FTO: variants seen among roughly 807,000 people sequenced by gnomAD.
The protein encoded by FTO is FTO alpha-ketoglutarate dependent dioxygenase.
In FTO, 47 loss-of-function variants were observed where a neutral mutation model predicts 63.9. The observed-to-expected ratio is 0.74, with a 90% CI of 0.58 to 0.94. The LOEUF is 0.94. Among genes scored for constraint, FTO ranks in the 40% least tolerant of loss-of-function variants. FTO has a pLI of 0.00. For missense variants in FTO, 562 were observed against 618.1 expected (o/e 0.91, Z 0.96); for synonymous variants, 207 against 224.4 (o/e 0.92, Z 0.69).
chr16:53,742,363 G>A (rs2076548011), intron 1 of FTO, among the ~76,000 whole-genome samples: 1 of 152,082 alleles, frequency 6.6e-6, no homozygotes, highest in Non-Finnish European at 1.5e-5. Context: ...GTCTGGGAAG[G>A]CAAGTTTTTT....
intron 4 of FTO, among the ~76,000 whole-genome samples, chr16:53,861,992 G>A (rs922835641): frequency 6.6e-6 from 1 of 152,004 alleles, no homozygotes; most frequent in Non-Finnish European, 1.5e-5. Flanking sequence ...TGGCTCATCC[G>A]TGTAATCCCA....
intron 3 of FTO, among the ~76,000 whole-genome samples, chr16:53,841,847 T>G (rs1448279593): frequency 6.6e-6 from 1 of 152,212 alleles, no homozygotes; most frequent in East Asian, 1.9e-4. Context: ...TTACTTCTCA[T>G]TTTACCCTCT....
chr16:53,789,864 GTA>G (rs200847717), intron 1 of FTO, among the ~76,000 whole-genome samples: 2 of 42,896 alleles, frequency 4.7e-5, no homozygotes, highest in African/African-American at 3.5e-4. Context: ...ATAAATGTAT[GTA>G]TATATATACA....
At chr16:53,753,826 T>C (rs1205221074) in intron 1 of FTO, among the ~76,000 whole-genome samples, 1 of 152,196 alleles carries the variant, frequency 6.6e-6, no homozygotes, top group Non-Finnish European at 1.5e-5. Context: ...CTTTGTCCTA[T>C]CACATGAAGC....
At chr16:53,945,585 T>TTTTA (rs2082634664) in intron 8 of FTO, among the ~76,000 whole-genome samples, 1 of 152,210 alleles carries the variant, frequency 6.6e-6, no homozygotes. Flanking sequence ...ACCTAACATG[T>TTTTA]TTTACACTTT....
chr16:53,847,672 G>A (rs2079667446), intron 4 of FTO, among the ~76,000 whole-genome samples: 1 of 151,782 alleles, frequency 6.6e-6, no homozygotes, highest in South Asian at 2.1e-4. Flanking sequence ...GGAAGCTGAG[G>A]CAGGAGAACT....
chr16:53,943,179 C>T (rs555243210), intron 8 of FTO, among the ~76,000 whole-genome samples: 1 of 152,256 alleles, frequency 6.6e-6, no homozygotes, highest in East Asian at 1.9e-4. Context: ...GGAATTGAAA[C>T]ATTGTATAAA....
At chr16:53,919,384 A>G (rs1246802042) in intron 7 of FTO, among the ~76,000 whole-genome samples, 1 of 152,132 alleles carries the variant, frequency 6.6e-6, no homozygotes, top group Non-Finnish European at 1.5e-5. Flanking sequence ...ACCCTGGGGT[A>G]AGACTGAATA....
chr16:53,929,711 G>T (rs1382657670), intron 7 of FTO, among the ~76,000 whole-genome samples: 1 of 152,170 alleles, frequency 6.6e-6, no homozygotes, highest in African/African-American at 2.4e-5. Context: ...TTGGGTTGGG[G>T]TTGGCAAATT....
At chr16:53,774,568 T>C (rs1223136403) in intron 1 of FTO, among the ~76,000 whole-genome samples, 1 of 152,184 alleles carries the variant, frequency 6.6e-6, no homozygotes, top group Non-Finnish European at 1.5e-5. Context: ...GTGTATCAAC[T>C]ATTTTCACTT....
At position 53,881,502 on chromosome 16, in the gene FTO, C is replaced by T. The variant is rs73607667; in HGVS notation, c.1119+1515C>T. On this transcript the variant is annotated intron_variant, in intron 6 of 8. Coordinates refer to ENST00000471389, the MANE Select transcript of FTO (RefSeq NM_001080432.3). ...ACAGTCATTGCTTACTCACAAGACA[C>T]GCAGAAGCACAAGAGACTCATGAAG... 8.8e-3 allele frequency among the ~76,000 whole-genome samples: 1,338 copies of T among 152,254 alleles called. 23 individuals are homozygous for T. Among genetic ancestry groups the T allele is most frequent in the African/African-American group, 0.031 (1,278 of 41,552 alleles).
chr16:53,933,899 G>T, intron 7 of FTO, 86 bp from the exon 8 acceptor site: 1 of 1,347,744 alleles, frequency 7.4e-7, no homozygotes, highest in South Asian at 1.3e-5. Flanking sequence ...AAAAGCCATT[G>T]ATTTACTGTC....
intron 6 of FTO, chr16:53,887,965 T>A (rs2151904943): frequency 6.6e-6 from 1 of 152,246 alleles, no homozygotes; most frequent in South Asian, 2.1e-4. Context: ...AATTAATATT[T>A]CCTAATATAT....
chr16:53,734,847 A>G (rs141567861), intron 1 of FTO, among the ~76,000 whole-genome samples: 1 of 152,194 alleles, frequency 6.6e-6, no homozygotes, highest in African/African-American at 2.4e-5. Context: ...AAGATAAAAG[A>G]GAGTTTTTAT....
intron 8 of FTO, among the ~76,000 whole-genome samples, chr16:53,975,336 A>G (rs2083412719): frequency 6.6e-6 from 1 of 152,010 alleles, no homozygotes; most frequent in Non-Finnish European, 1.5e-5. Flanking sequence ...AGAAGTTTTC[A>G]TATTTATTTT....
intron 1 of FTO, among the ~76,000 whole-genome samples, chr16:53,781,499 T>TA (rs2077588270): frequency 6.6e-6 from 1 of 152,204 alleles, no homozygotes; most frequent in Non-Finnish European, 1.5e-5. Context: ...GAAGAAAAGT[T>TA]ACCTGATTCC....
At position 54,026,182 on chromosome 16, in the gene FTO, A is replaced by G. The variant is rs568762688; in HGVS notation, c.1365-85580A>G. Among the ~76,000 whole-genome samples, 5 of 152,330 alleles carry G rather than the reference A, an allele frequency of 3.3e-5. No individual in the cohort carries two copies. The East Asian group carries it at 7.7e-4, about 24-fold the overall frequency. On this transcript the variant is annotated intron_variant, in intron 8 of 8. Coordinates refer to ENST00000471389, the MANE Select transcript of FTO (RefSeq NM_001080432.3). ...TTTCCTTCATCTGAAAGAAGTTCAC[A>G]AAGAACAGGGTTATTCTGGTGGCTC...
At chr16:53,892,302 A>G (rs751243171) in intron 7 of FTO, among the ~76,000 whole-genome samples, 4 of 152,096 alleles carry the variant, frequency 2.6e-5, no homozygotes, top group Admixed American at 6.6e-5. Context: ...CCAAGATGTT[A>G]GCCTTTCAGG....
chr16:54,026,348 G>A (rs1398876742), intron 8 of FTO, among the ~76,000 whole-genome samples: 1 of 152,188 alleles, frequency 6.6e-6, no homozygotes, highest in Non-Finnish European at 1.5e-5. Context: ...CAGGTAGGAA[G>A]AAGGAAGAAA....
Sources: allele counts gnomAD v4.1 joint callset (sites outside exome capture counted in the v4.1 genomes callset), GRCh38; gene constraint gnomAD v4.1.1; transcripts MANE v1.5; gene names NCBI Gene and HGNC (gene_info 2026-07-23, HGNC 2026-07-21).